The following UBE3C variants were observed in gnomAD, a reference collection of about 807,000 sequenced individuals.
UBE3C encodes the protein ubiquitin-protein ligase E3C.
Under a neutral mutation model 129.4 loss-of-function variants are expected in UBE3C, and 42 were observed. That is an observed-to-expected ratio of 0.32 (90% CI 0.25 to 0.42). The LOEUF (loss-of-function observed/expected upper bound fraction) is 0.42. Ranked by LOEUF, UBE3C falls within the 10% of genes least tolerant of loss-of-function variation. The pLI is 1.00. For synonymous variants in UBE3C, 510 were observed against 492.4 expected (o/e 1.04, Z -0.47); for missense variants, 1,049 against 1,319.1 (o/e 0.80, Z 3.17).
chr7:157,233,675 A>G (rs1167120639), intron 18 of UBE3C, among the ~76,000 whole-genome samples: 1 of 152,240 alleles, frequency 6.6e-6, no homozygotes, highest in Admixed American at 6.5e-5. Flanking sequence ...TATTGTGAAT[A>G]ATGTTACTGC....
intron 10 of UBE3C, among the ~76,000 whole-genome samples, chr7:157,194,147 G>T (rs183748737): frequency 6.6e-6 from 1 of 152,272 alleles, no homozygotes; most frequent in Non-Finnish European, 1.5e-5. Context: ...CCATGAAAAA[G>T]TTGTTTTACC....
chr7:157,267,989 T>C lies in UBE3C; in HGVS notation c.*234T>C. The C allele has an allele frequency of 2.6e-6, 1 of 385,876 alleles. No individual in the cohort carries two copies. Among genetic ancestry groups the C allele is most frequent in the South Asian group, 5.1e-5 (1 of 19,508 alleles). The allele number at this position is 385,876 out of a possible 1,614,324, so 23.9% of individuals were successfully genotyped here. Reference sequence around the variant, plus strand: ...TTAAAATAACACGTTATGTGCCATGTGGCTACTTTAGTAATATTGCCAAGA... The same window carrying C: ...TTAAAATAACACGTTATGTGCCATGCGGCTACTTTAGTAATATTGCCAAGA... On this transcript the variant is annotated 3_prime_UTR_variant, in exon 23 of 23. Transcript: ENST00000348165.
chr7:157,215,234 G>T (rs1254886471), intron 13 of UBE3C, among the ~76,000 whole-genome samples: 4 of 151,884 alleles, frequency 2.6e-5, no homozygotes, highest in African/African-American at 9.7e-5. Flanking sequence ...TCATTCAAGG[G>T]GTGTCCACAT....
chr7:157,182,036 G>A lies in UBE3C; in HGVS notation c.771-72G>A. 3 of 1,404,128 alleles carry A rather than the reference G, an allele frequency of 2.1e-6. No individual in the cohort carries two copies. In the South Asian group the frequency reaches 4.4e-5, roughly 21 times the overall value. 87.0% of individuals were successfully genotyped at this position (1,404,128 alleles called of 1,614,324 possible). On this transcript the variant is annotated intron_variant, in intron 7 of 22. Transcript: ENST00000348165. ...ATCCTTTTAGAAGGATATTTTGAAA[G>A]GTGATTTTAATCAGTGATTGGATGG...
chr7:157,245,193 T>C (rs1584817365), intron 18 of UBE3C, among the ~76,000 whole-genome samples: 1 of 152,256 alleles, frequency 6.6e-6, no homozygotes, highest in Non-Finnish European at 1.5e-5. Flanking sequence ...TTACATTTTA[T>C]GAGTCACAGT....
intron 4 of UBE3C, among the ~76,000 whole-genome samples, chr7:157,171,688 T>TATA (rs1808379626): frequency 0.016 from 77 of 4,822 alleles, no homozygotes; most frequent in East Asian, 0.028. Flanking sequence ...ATATATATAT[T>TATA]TTTTTTTTTT....
intron 10 of UBE3C, among the ~76,000 whole-genome samples, chr7:157,191,033 G>T (rs966003901): frequency 1.3e-5 from 2 of 152,150 alleles, no homozygotes; most frequent in African/African-American, 4.8e-5. Flanking sequence ...TGAAGATAGT[G>T]TTTTAGGGGT....
intron 1 of UBE3C, among the ~76,000 whole-genome samples, chr7:157,142,333 CT>C (rs1473050388): frequency 6.6e-6 from 1 of 152,096 alleles, no homozygotes; most frequent in African/African-American, 2.4e-5. Context: ...AAATTAAATA[CT>C]TTTAGTATTT....
rs1374311405 is a variant in UBE3C at position 157,239,934 on chromosome 7, G to C, written c.2482-8434G>C. 2.0e-5 allele frequency among the ~76,000 whole-genome samples: 3 copies of C among 152,210 alleles called. No individual in the cohort carries two copies. In the East Asian group the frequency reaches 5.8e-4, roughly 29 times the overall value. On this transcript the variant is annotated intron_variant, in intron 18 of 22. Transcript: ENST00000348165. ...TGCTTTCTGGGTGATGCAGCAGAGA[G>C]CAAGGATGGGAAGAGCAGTGTTCCC...
At chr7:157,164,598 A>C (rs1238600856) in intron 2 of UBE3C, 2 of 367,752 alleles carry the variant, frequency 5.4e-6, no homozygotes, top group Admixed American at 7.1e-5. Context: ...AGTTTCTTTA[A>C]ATAGCTTTAT....
intron 5 of UBE3C, 106 bp downstream of exon 5, chr7:157,175,140 T>TTTA (rs2116900992): frequency 1.9e-5 from 10 of 516,392 alleles, no homozygotes; most frequent in African/African-American, 1.4e-4. Context: ...TTCCATACTT[T>TTTA]TTTTTTTTTT....
intron 11 of UBE3C, among the ~76,000 whole-genome samples, chr7:157,206,125 A>G (rs1052815195): frequency 2.0e-5 from 3 of 151,084 alleles, no homozygotes; most frequent in African/African-American, 7.2e-5. Context: ...AGAGGGGACC[A>G]TGGACTTTAT....
chr7:157,192,409 C>T (rs1808993884), intron 10 of UBE3C: 1 of 714,124 alleles, frequency 1.4e-6, no homozygotes, highest in Admixed American at 1.8e-5. Flanking sequence ...AGACCATCAC[C>T]CTCAAGGTTG....
In UBE3C at chr7:157,231,344, A is replaced by G. The variant is rs17837732; in HGVS notation, c.2481+17A>G. On this transcript the variant is annotated intron_variant, in intron 18 of 22. Transcript: ENST00000348165. ...CTTGGAAAGGTAAAGTAACCTTCATATAAAAATAGACCTCGGACCAAAAGA... is the reference window on the plus strand; with the variant it reads ...CTTGGAAAGGTAAAGTAACCTTCATGTAAAAATAGACCTCGGACCAAAAGA... 0.019 allele frequency: 30,900 copies of G among 1,610,936 alleles called. 1,740 individuals carry two copies. The highest frequency in any genetic ancestry group is 0.18 in the African/African-American group (13,722 of 74,784).
At chr7:157,229,623 T>G (rs939826328) in intron 17 of UBE3C, among the ~76,000 whole-genome samples, 7 of 151,834 alleles carry the variant, frequency 4.6e-5, no homozygotes, top group Non-Finnish European at 1.0e-4. Context: ...GGCCTGTTTT[T>G]GGGGTTTTTA....
intron 17 of UBE3C, among the ~76,000 whole-genome samples, chr7:157,230,288 C>T (rs368970361): frequency 2.0e-5 from 3 of 151,896 alleles, no homozygotes; most frequent in Non-Finnish European, 4.4e-5. Flanking sequence ...TAAAAGATCA[C>T]GTAGATCAGG....
intron 20 of UBE3C, 31 bp downstream of exon 20, chr7:157,254,173 C>G: frequency 6.2e-7 from 1 of 1,610,060 alleles, no homozygotes; most frequent in Middle Eastern, 1.7e-4. Context: ...CTGGGACACG[C>G]TTGTCACAGG....
At chr7:157,192,000 A>C (rs1433016155) in intron 10 of UBE3C, among the ~76,000 whole-genome samples, 1 of 152,246 alleles carries the variant, frequency 6.6e-6, no homozygotes, top group Non-Finnish European at 1.5e-5. Flanking sequence ...AAGTTCAAAT[A>C]ACATTGATGA....
chr7:157,239,911 C>T (rs771302353), intron 18 of UBE3C, among the ~76,000 whole-genome samples: 5 of 152,126 alleles, frequency 3.3e-5, no homozygotes, highest in Non-Finnish European at 5.9e-5. Context: ...ACTGTTGCTG[C>T]TTTCTGGGTG....
Sources: allele counts gnomAD v4.1 joint callset (sites outside exome capture counted in the v4.1 genomes callset), GRCh38; gene constraint gnomAD v4.1.1; transcripts MANE v1.5; gene names NCBI Gene and HGNC (gene_info 2026-07-23, HGNC 2026-07-21).